PIGG: variants seen among roughly 807,000 people sequenced by gnomAD.
The protein encoded by PIGG is GPI ethanolamine phosphate transferase 2, catalytic subunit.
A neutral mutation model predicts 83.2 loss-of-function variants in PIGG; 70 were observed. That is an observed-to-expected ratio of 0.84 (90% CI 0.69 to 1.03). The LOEUF (loss-of-function observed/expected upper bound fraction) is 1.03, where lower values mean the gene tolerates loss of function less well. PIGG is among the 50% of genes least tolerant of loss of function. The pLI is 0.00. For synonymous variants in PIGG, 532 were observed against 519.5 expected (o/e 1.02, Z -0.33); for missense variants, 1,257 against 1,233.6 (o/e 1.02, Z -0.28).
At chr4:514,135 C>T (rs920451024) in intron 5 of PIGG, among the ~76,000 whole-genome samples, 10 of 152,186 alleles carry the variant, frequency 6.6e-5, no homozygotes, top group Admixed American at 6.5e-4. Context: ...CCCCCAAGTC[C>T]AGCTTCACCA....
At chr4:513,188 T>C (rs962979491) in intron 5 of PIGG, among the ~76,000 whole-genome samples, 2 of 152,232 alleles carry the variant, frequency 1.3e-5, no homozygotes, top group Non-Finnish European at 2.9e-5. Flanking sequence ...ATGGTGGTAG[T>C]GGTGGTTTTT....
chr4:506,514 G>T (rs1553879403), intron 3 of PIGG, among the ~76,000 whole-genome samples: 1 of 152,236 alleles, frequency 6.6e-6, no homozygotes, highest in Non-Finnish European at 1.5e-5. Flanking sequence ...CTCCTAGATG[G>T]CTGGGCCTTA....
At chr4:506,336 C>G (rs1348045390) in intron 3 of PIGG, among the ~76,000 whole-genome samples, 2 of 152,200 alleles carry the variant, frequency 1.3e-5, no homozygotes, top group Non-Finnish European at 2.9e-5. Flanking sequence ...CAAGCGGAGC[C>G]TCATCGTGCC....
intron 12 of PIGG, among the ~76,000 whole-genome samples, chr4:535,212 T>C (rs1172384437): frequency 2.0e-5 from 3 of 152,200 alleles, no homozygotes; most frequent in Admixed American, 6.5e-5. Flanking sequence ...TGCAAAGTTA[T>C]TCGACTCACA....
chr4:535,015 C>T (rs780718956), intron 12 of PIGG, among the ~76,000 whole-genome samples: 1 of 152,384 alleles, frequency 6.6e-6, no homozygotes, highest in South Asian at 2.1e-4. Context: ...GCCGCACACT[C>T]TCTGCTTCCT....
In PIGG at chr4:530,738, A is replaced by G. The variant is rs1212655842; in HGVS notation, c.2564A>G (p.Tyr855Cys). ...TATTGGTTTGGTCAAGCATTCTTCT[A>G]TTTTCAGGTAGGTTTTCATTATTAT... ...MHYWFGQAFF[Y>C]FQGNSNNIAT... The change falls in exon 11 of 13, where the codon TAT (tyrosine) becomes TGT (cysteine). Residue 855 changes from tyrosine (Y) to cysteine (C), a missense_variant. Tyr to Cys is a radical substitution (Grantham distance 194, BLOSUM62 -2). Coordinates refer to ENST00000453061, the MANE Select transcript of PIGG (RefSeq NM_001127178.3). The G allele has an allele frequency of 2.5e-6, 4 of 1,600,896 alleles. No individual in the cohort carries two copies. Among genetic ancestry groups the G allele is most frequent in the East Asian group, 2.2e-5 (1 of 44,678 alleles).
rs1308547487 is a variant in PIGG, at chr4:523,593, C to T, written c.1749C>T (p.Asn583=). The T allele has an allele frequency of 6.2e-7, 1 of 1,614,166 alleles. No homozygotes were observed. The highest frequency in any genetic ancestry group is 1.7e-5 in the Admixed American group (1 of 60,030). ...EEHQTWYFLV[N]TLCLALSQET... is the part of the protein sequence containing the mutation. ...ACCAGACCTGGTACTTCCTTGTGAA[C>T]ACCCTGTGTCTAGCTCTGAGCCAAG... The change falls in exon 9 of 13, where the codon AAC becomes AAT. Residue 583 remains asparagine (N), a synonymous_variant. Transcript: ENST00000453061.
chr4:507,558 G>A lies in PIGG; in HGVS notation c.724G>A (p.Val242Met), dbSNP rs144411585. 3.3e-4 allele frequency: 529 copies of A among 1,613,988 alleles called. 2 individuals carry two copies. In the African/African-American group the frequency reaches 6.1e-3, roughly 19 times the overall value. Residue 242 changes from valine (V) to methionine (M), a missense_variant, in exon 4 of 13, where the codon GTG becomes ATG. Coordinates refer to ENST00000453061, the MANE Select transcript of PIGG (RefSeq NM_001127178.3). ...IGQKLSEMDS[V>M]LMKIHTSLQS... The stretch of plus-strand genomic sequence containing the variant: ...GCAGAAGCTGAGCGAGATGGACAGC[G>A]TGCTGATGAAGATCCACACCTCACT...
chr4:499,252 CGGCTA>C lies in PIGG; in HGVS notation c.-83_-79del. On this transcript the variant is annotated 5_prime_UTR_variant, in exon 1 of 13. Transcript: ENST00000453061. The stretch of plus-strand genomic sequence containing the variant: ...AAGGCCTGGCGTTATTGCTTAGAGG[CGGCTA>C]CCTGGAGCCGGAAGCGCGGCTGCAG... 6.9e-7 allele frequency: 1 copy of C among 1,457,890 alleles called. No individual in the cohort carries two copies. Among genetic ancestry groups the C allele is most frequent in the Non-Finnish European group, 9.3e-7 (1 of 1,071,308 alleles). The allele number at this position is 1,457,890 out of a possible 1,614,324, so 90.3% of individuals were successfully genotyped here.
At chr4:535,450 A>ACCGC (rs1560383451) in intron 12 of PIGG, among the ~76,000 whole-genome samples, 129 of 103,376 alleles carry the variant, frequency 1.2e-3, no homozygotes, top group African/African-American at 6.3e-3. Context: ...CCTCCCGGGC[A>ACCGC]GGCGAGCGTC....
rs571297331 is a variant in PIGG, at chr4:514,404, G to C, written c.902-1569G>C. On this transcript the variant is annotated intron_variant, in intron 5 of 12. Transcript: ENST00000453061. ...CAAATAAGACCATACACTGTGATTT[G>C]TTTATGTGTCTCTTAAGTCTCTGTA... Among the ~76,000 whole-genome samples, 4 of 152,258 alleles carry C rather than the reference G, an allele frequency of 2.6e-5. No homozygotes were observed. In the East Asian group the frequency reaches 5.8e-4, roughly 22 times the overall value.
At chr4:517,550 T>G (rs57834329) in intron 6 of PIGG, among the ~76,000 whole-genome samples, 29,260 of 151,928 alleles carry the variant, frequency 0.19, 3,619 homozygotes, top group African/African-American at 0.36. Context: ...TCAGGAAGCA[T>G]GGAGTGGGCA....
rs1553878701 is a variant in PIGG at position 505,790 on chromosome 4, G to T, written c.433G>T (p.Asp145Tyr). ...CCTCAATTCTCCTGCACTGCTGGAA[G>T]ACAGTGTGATAAGACAAGCAAAAGC... ...RNLNSPALLEDSVIRQAKAAG... is the reference protein window; with the variant it reads ...RNLNSPALLEYSVIRQAKAAG... The change falls in exon 3 of 13, where the codon GAC becomes TAC. Residue 145 changes from aspartate (D) to tyrosine (Y), a missense_variant. Coordinates refer to ENST00000453061, the MANE Select transcript of PIGG (RefSeq NM_001127178.3). The T allele has an allele frequency of 6.2e-7, 1 of 1,613,614 alleles. No individual in the cohort carries two copies. The highest frequency in any genetic ancestry group is 2.2e-5 in the East Asian group (1 of 44,874).
chr4:522,872 A>G (rs1726427634), intron 8 of PIGG: 1 of 153,218 alleles, frequency 6.5e-6, no homozygotes, highest in Admixed American at 6.5e-5. Context: ...TTAAGTTAGT[A>G]TATTTAAGAG....
At chr4:505,982 C>T (rs781887109) in intron 3 of PIGG, 55 bp downstream of exon 3, 3 of 1,186,548 alleles carry the variant, frequency 2.5e-6, no homozygotes, top group Non-Finnish European at 3.7e-6. Context: ...CTAGATAGAG[C>T]CTGGCATCCC....
intron 2 of PIGG, among the ~76,000 whole-genome samples, chr4:502,657 C>G (rs572247917): frequency 6.6e-6 from 1 of 152,174 alleles, no homozygotes; most frequent in Admixed American, 6.5e-5. Flanking sequence ...CCTTAGATTT[C>G]TTAGGACTGT....
chr4:520,110 C>T (rs941895968), intron 6 of PIGG, among the ~76,000 whole-genome samples: 12 of 152,230 alleles, frequency 7.9e-5, no homozygotes, highest in African/African-American at 1.2e-4. Flanking sequence ...GCGCCTGTGG[C>T]AGCTCTTTCA....
intron 9 of PIGG, chr4:525,511 G>T (rs1472330457): frequency 1.9e-5 from 4 of 216,194 alleles, no homozygotes; most frequent in Admixed American, 1.3e-4. Context: ...CCAGTTAAAT[G>T]ACAGGGTGTG....
In PIGG at chr4:507,530, T is replaced by G. The variant is rs1553880297; in HGVS notation, c.696T>G (p.Ile232Met). The G allele has an allele frequency of 1.2e-6, 2 of 1,614,248 alleles. No individual in the cohort carries two copies. The highest frequency in any genetic ancestry group is 1.7e-5 in the Admixed American group (1 of 60,032). Residue 232 changes from isoleucine to methionine, a missense_variant, in exon 4 of 13, where the codon ATT becomes ATG. Ile to Met is a conservative substitution (Grantham distance 10). Coordinates refer to ENST00000453061, the MANE Select transcript of PIGG (RefSeq NM_001127178.3). ...GHISGPNSPL[I>M]GQKLSEMDSV... ...TTTCAGGGCCCAACAGCCCCCTGAT[T>G]GGGCAGAAGCTGAGCGAGATGGACA...
Sources: allele counts gnomAD v4.1 joint callset (sites outside exome capture counted in the v4.1 genomes callset), GRCh38; gene constraint gnomAD v4.1.1; transcripts MANE v1.5; gene names NCBI Gene and HGNC (gene_info 2026-07-23, HGNC 2026-07-21).